Variants in NHS observed in about 807,000 individuals in gnomAD.
NHS encodes NHS actin remodeling regulator.
NHS carries 5 observed loss-of-function variants against 72.5 expected under a neutral mutation model. The ratio of observed to expected loss-of-function variants is 0.07; its 90% CI spans 0.04 to 0.14. The LOEUF is 0.14. Among genes scored for constraint, NHS ranks in the 10% least tolerant of loss-of-function variants. NHS has a pLI of 1.00. For synonymous variants in NHS, 464 were observed against 547.7 expected (o/e 0.85, Z 2.13); for missense variants, 1,072 against 1,355.7 (o/e 0.79, Z 3.29).
intron 1 of NHS, among the ~76,000 whole-genome samples, chrX:17,453,380 T>G (rs972772743): frequency 1.8e-5 from 2 of 112,040 alleles, no homozygotes; most frequent in Middle Eastern, 4.6e-3. Flanking sequence ...TTCCTTCCAT[T>G]ACAAATAAAG....
At chrX:17,435,243 A>G (rs900143959) in intron 1 of NHS, among the ~76,000 whole-genome samples, 1 of 111,736 alleles carries the variant, frequency 8.9e-6, no homozygotes, top group Non-Finnish European at 1.9e-5. Flanking sequence ...CTGATGTGCA[A>G]CCAGGGTCAA....
intron 1 of NHS, among the ~76,000 whole-genome samples, chrX:17,641,182 G>A (rs931483028): frequency 2.7e-5 from 3 of 111,132 alleles, no homozygotes; most frequent in Non-Finnish European, 5.7e-5. Context: ...TTATTTTGAA[G>A]AACAATGACC....
intron 3 of NHS, among the ~76,000 whole-genome samples, chrX:17,708,347 G>T (rs1281053598): frequency 1.8e-5 from 2 of 111,541 alleles, no homozygotes; most frequent in East Asian, 5.6e-4. Flanking sequence ...ATAGACCTCA[G>T]CCAACCCAAA....
intron 1 of NHS, among the ~76,000 whole-genome samples, chrX:17,647,047 A>AT (rs199704098): frequency 0.014 from 1,562 of 112,035 alleles, 32 homozygotes; most frequent in African/African-American, 0.048. Flanking sequence ...TTCTGTAATG[A>AT]TTTTTTTGTG....
chrX:17,378,781 G>A (rs2064359966), intron 1 of NHS, among the ~76,000 whole-genome samples: 1 of 112,057 alleles, frequency 8.9e-6, no homozygotes, highest in South Asian at 3.8e-4. Flanking sequence ...GAGTATTTAT[G>A]CACCAGCTTC....
At chrX:17,563,090 T>C (rs1473351847) in intron 1 of NHS, among the ~76,000 whole-genome samples, 1 of 112,348 alleles carries the variant, frequency 8.9e-6, no homozygotes, top group African/African-American at 3.2e-5. Flanking sequence ...ATGGCTTGCA[T>C]TTTCTAAGAG....
intron 1 of NHS, among the ~76,000 whole-genome samples, chrX:17,437,248 C>G (rs113825768): frequency 0.049 from 5,424 of 111,509 alleles, 351 homozygotes; most frequent in African/African-American, 0.17. Flanking sequence ...GCCCTCCCCT[C>G]CTGGTGCAAG....
chrX:17,673,178 A>ACG (rs2066058566), intron 1 of NHS, among the ~76,000 whole-genome samples: 1 of 6,573 alleles, frequency 1.5e-4, no homozygotes, highest in Non-Finnish European at 2.4e-4. Flanking sequence ...GGAAGATGAA[A>ACG]CACACACACA....
rs143119491 is a variant in NHS, at chrX:17,692,381, C to G, written c.765C>G (p.Pro255=). The G allele has an allele frequency of 8.8e-4, 1,067 of 1,208,201 alleles. 1 individual carries two copies. The highest frequency in any genetic ancestry group is 1.3e-3 in the Admixed American group (61 of 45,540). ...SDRREQRAAA[P]LSIAAPPLPA... is the part of the protein sequence containing the mutation. ...GCCGAGAGCAAAGAGCAGCTGCCCC[C>G]CTTTCCATTGCAGCTCCTCCACTGC... is the stretch of plus-strand genomic sequence containing the variant. Residue 255 remains proline, a synonymous_variant, in exon 3 of 9, where the codon CCC becomes CCG. Coordinates refer to ENST00000676302, the MANE Select transcript of NHS (RefSeq NM_001291867.2).
intron 1 of NHS, among the ~76,000 whole-genome samples, chrX:17,566,123 G>A (rs990743953): frequency 9.1e-6 from 1 of 109,748 alleles, no homozygotes; most frequent in Non-Finnish European, 1.9e-5. Flanking sequence ...GGGACTACAG[G>A]TGCGTGCCAC....
chrX:17,416,018 G>A (rs2064592009), intron 1 of NHS, among the ~76,000 whole-genome samples: 1 of 111,282 alleles, frequency 9.0e-6, no homozygotes, highest in South Asian at 3.8e-4. Flanking sequence ...CAGGCTGTGT[G>A]GACTTTTTCC....
intron 1 of NHS, among the ~76,000 whole-genome samples, chrX:17,499,718 G>A (rs895100608): frequency 8.9e-6 from 1 of 111,885 alleles, no homozygotes; most frequent in African/African-American, 3.2e-5. Context: ...GAGAGCTTTT[G>A]TCATGGGAAA....
rs774416223 is a variant in NHS, at chrX:17,727,238, A to G, written c.3132A>G (p.Pro1044=). 23 of 1,211,713 alleles carry G rather than the reference A, an allele frequency of 1.9e-5. No individual in the cohort carries two copies. Among genetic ancestry groups the G allele is most frequent in the Admixed American group, 2.2e-5 (1 of 46,051 alleles). Residue 1044 remains proline, a synonymous_variant, in exon 7 of 9, where the codon CCA becomes CCG. Transcript: ENST00000676302. ...SSFPTAFFSG[P]LSPGGSKRKP... is the part of the protein sequence containing the mutation. ...TCCCTACAGCTTTCTTTTCAGGTCC[A>G]TTGTCTCCCGGAGGTAGCAAAAGAA...
chrX:17,631,494 A>G (rs1359755748), intron 1 of NHS, among the ~76,000 whole-genome samples: 3 of 112,110 alleles, frequency 2.7e-5, no homozygotes, highest in African/African-American at 9.7e-5. Flanking sequence ...ATTTATGAAT[A>G]GGTTCTCATG....
At chrX:17,657,072 C>T (rs749056350) in intron 1 of NHS, among the ~76,000 whole-genome samples, 21 of 112,869 alleles carry the variant, frequency 1.9e-4, no homozygotes, top group African/African-American at 6.8e-4. Flanking sequence ...AACCCCATCG[C>T]CCCCACCTCT....
At chrX:17,529,938 A>G (rs2065190955) in intron 1 of NHS, among the ~76,000 whole-genome samples, 2 of 111,148 alleles carry the variant, frequency 1.8e-5, no homozygotes, top group African/African-American at 6.6e-5. Context: ...CCCTGTTGAC[A>G]TGTGCCTTTC....
chrX:17,494,350 A>G (rs887338384), intron 1 of NHS, among the ~76,000 whole-genome samples: 1 of 111,804 alleles, frequency 8.9e-6, no homozygotes, highest in African/African-American at 3.3e-5. Flanking sequence ...AAGTGCTGGG[A>G]TTACAGGAAT....
chrX:17,730,886 G>C (rs2066482406), intron 8 of NHS, among the ~76,000 whole-genome samples: 1 of 111,918 alleles, frequency 8.9e-6, no homozygotes, highest in African/African-American at 3.2e-5. Context: ...ATATGCTCTT[G>C]ATGCTCTTAG....
intron 1 of NHS, among the ~76,000 whole-genome samples, chrX:17,650,309 G>A (rs1432156647): frequency 8.9e-6 from 1 of 112,511 alleles, no homozygotes; most frequent in Non-Finnish European, 1.9e-5. Flanking sequence ...CTGATGATCA[G>A]AAATCATTTT....
Sources: gnomAD v4.1 joint callset for allele counts (sites outside exome capture counted in the v4.1 genomes callset) on GRCh38, gnomAD v4.1.1 for gene constraint, MANE v1.5 for transcripts, NCBI Gene and HGNC (gene_info 2026-07-23, HGNC 2026-07-21) for gene names.